RORA: variants seen among roughly 807,000 people sequenced by gnomAD.
The protein encoded by RORA is RAR related orphan receptor A, also known as nuclear receptor ROR-alpha.
RORA carries 7 observed loss-of-function variants against 69.5 expected under a neutral mutation model. The ratio of observed to expected loss-of-function variants is 0.10; its 90% CI spans 0.06 to 0.19. The LOEUF (loss-of-function observed/expected upper bound fraction) is 0.19, where lower values mean the gene tolerates loss of function less well. RORA is among the 10% of genes least tolerant of loss of function. The pLI is 1.00. For missense variants in RORA, 457 were observed against 663.0 expected, an observed-to-expected ratio of 0.69 and a Z score of 3.41; for synonymous variants, 261 against 240.8, an observed-to-expected ratio of 1.08 and a Z score of -0.78.
intron 1 of RORA, among the ~76,000 whole-genome samples, chr15:60,854,636 A>C (rs1390829344): frequency 6.6e-6 from 1 of 152,224 alleles, no homozygotes; most frequent in African/African-American, 2.4e-5. Context: ...GTAGCACTTC[A>C]GCTAAGCTTC....
At chr15:60,595,054 A>C (rs1176520417) in intron 2 of RORA, among the ~76,000 whole-genome samples, 1 of 152,052 alleles carries the variant, frequency 6.6e-6, no homozygotes, top group African/African-American at 2.4e-5. Context: ...TAACCACTCA[A>C]AATGCACATT....
chr15:61,055,030 T>A (rs936580866), intron 1 of RORA, among the ~76,000 whole-genome samples: 1 of 152,016 alleles, frequency 6.6e-6, no homozygotes, highest in African/African-American at 2.4e-5. Flanking sequence ...AGAGACAGGG[T>A]TTCACTATGT....
At chr15:61,099,603 C>T (rs978834147) in intron 1 of RORA, among the ~76,000 whole-genome samples, 1 of 152,162 alleles carries the variant, frequency 6.6e-6, no homozygotes, top group Non-Finnish European at 1.5e-5. Context: ...ACTTCAAAAC[C>T]AACACACGCA....
intron 1 of RORA, among the ~76,000 whole-genome samples, chr15:61,214,677 C>A (rs1400273335): frequency 2.6e-5 from 4 of 151,998 alleles, no homozygotes; most frequent in South Asian, 2.1e-4. Flanking sequence ...AGAGAGGGGG[C>A]CTTGGAGGCA....
intron 2 of RORA, among the ~76,000 whole-genome samples, chr15:60,664,844 G>T (rs2070357584): frequency 6.6e-6 from 1 of 152,160 alleles, no homozygotes. Flanking sequence ...TCAAGCAATT[G>T]ATACTGCAGG....
chr15:60,705,849 C>G (rs1264013853), intron 1 of RORA, among the ~76,000 whole-genome samples: 1 of 152,144 alleles, frequency 6.6e-6, no homozygotes, highest in Non-Finnish European at 1.5e-5. Flanking sequence ...AGTATCATCT[C>G]TCTTAGAAAT....
At chr15:60,578,766 T>C (rs1331704835) in intron 2 of RORA, among the ~76,000 whole-genome samples, 1 of 127,486 alleles carries the variant, frequency 7.8e-6, no homozygotes, top group Non-Finnish European at 1.7e-5. Context: ...TAAATGAAAC[T>C]TTTTTTTTTT....
At chr15:60,522,796 G>A (rs2066214119) in intron 3 of RORA, among the ~76,000 whole-genome samples, 1 of 149,240 alleles carries the variant, frequency 6.7e-6, no homozygotes, top group South Asian at 2.1e-4. Context: ...AAAAGACCAG[G>A]TGTGGTGGCT....
intron 1 of RORA, among the ~76,000 whole-genome samples, chr15:61,104,603 C>G (rs908886045): frequency 1.3e-5 from 2 of 152,144 alleles, no homozygotes; most frequent in Non-Finnish European, 2.9e-5. Flanking sequence ...TTAGCTTTTG[C>G]CTACTTCTCC....
chr15:61,206,464 A>C (rs566000474), intron 1 of RORA, among the ~76,000 whole-genome samples: 1 of 152,320 alleles, frequency 6.6e-6, no homozygotes, highest in African/African-American at 2.4e-5. Flanking sequence ...ACCCCACGAC[A>C]TCCCTGTTCT....
chr15:61,005,996 G>T (rs929342273), intron 1 of RORA, among the ~76,000 whole-genome samples: 1 of 151,990 alleles, frequency 6.6e-6, no homozygotes, highest in Non-Finnish European at 1.5e-5. Context: ...TTGAGAAGGA[G>T]TCTCGCTCTG....
At chr15:61,108,625 C>G (rs1460998015) in intron 1 of RORA, among the ~76,000 whole-genome samples, 1 of 152,188 alleles carries the variant, frequency 6.6e-6, no homozygotes, top group Non-Finnish European at 1.5e-5. Flanking sequence ...ACCTTTGCTA[C>G]TACTAAACCA....
At chr15:60,982,933 T>C (rs1894090161) in intron 1 of RORA, among the ~76,000 whole-genome samples, 1 of 152,194 alleles carries the variant, frequency 6.6e-6, no homozygotes, top group Non-Finnish European at 1.5e-5. Context: ...TTTTGTATTT[T>C]CATAAAGGCG....
chr15:60,830,820 A>C (rs80198593), intron 1 of RORA, among the ~76,000 whole-genome samples: 1 of 152,368 alleles, frequency 6.6e-6, no homozygotes, highest in East Asian at 1.9e-4. Context: ...GCAAGTGTCT[A>C]GTTGATTCAC....
At position 61,092,732 on chromosome 15, in the gene RORA, T is replaced by C. The variant is rs560678310; in HGVS notation, c.166+136321A>G. ...AATAAAAGCACATTTTATGAGGAAATTAAAATGTTATGAACTGCCCTGGGT... is the reference window on the plus strand; with the variant it reads ...AATAAAAGCACATTTTATGAGGAAACTAAAATGTTATGAACTGCCCTGGGT... On this transcript the variant is annotated intron_variant, in intron 1 of 10. Transcript: ENST00000335670. Among the ~76,000 whole-genome samples the C allele has an allele frequency of 7.2e-5, 11 of 152,332 alleles. No homozygotes were observed. In the East Asian group the frequency reaches 1.4e-3, roughly 19 times the overall value.
rs71125907 is a variant in RORA at position 61,189,856 on chromosome 15, CAAAAAAAAAAAA to C, written c.166+39185_166+39196del. On this transcript the variant is annotated intron_variant, in intron 1 of 10. Coordinates refer to ENST00000335670, the MANE Select transcript of RORA (RefSeq NM_134261.3). The stretch of plus-strand genomic sequence containing the variant: ...TGGGTGACAGAGCGAGACTCTGTCT[CAAAAAAAAAAAA>C]AAAAAAAAAAAAAACCACAGATATC... Among the ~76,000 whole-genome samples, 35 of 42,890 alleles carry C rather than the reference CAAAAAAAAAAAA, an allele frequency of 8.2e-4. 1 individual carries two copies. Among genetic ancestry groups the C allele is most frequent in the Non-Finnish European group, 9.5e-4 (26 of 27,246 alleles). 28.1% of individuals were successfully genotyped at this position (42,890 alleles called of 152,430 possible). A position where few individuals can be genotyped will look rare whatever the true frequency, so the allele number is the denominator to read the frequency against.
intron 1 of RORA, among the ~76,000 whole-genome samples, chr15:60,745,693 G>T (rs1301250221): frequency 6.6e-6 from 1 of 152,210 alleles, no homozygotes; most frequent in Non-Finnish European, 1.5e-5. Context: ...GATTCCAGCT[G>T]CTGAGCCATG....
In RORA at chr15:60,687,649, G is replaced by A. The variant is rs559326293; in HGVS notation, c.167-8963C>T. 3.9e-4 allele frequency among the ~76,000 whole-genome samples: 59 copies of A among 152,328 alleles called. No homozygotes were observed. In the Middle Eastern group the frequency reaches 0.01, roughly 26 times the overall value. On this transcript the variant is annotated intron_variant, in intron 1 of 10. Transcript: ENST00000335670. The stretch of plus-strand genomic sequence containing the variant: ...CATGCCTGAAGTCCCAGCTGCTCAG[G>A]AGGCTGAGGCACAAGAATCACTTGA...
chr15:60,705,149 G>A (rs1188179730), intron 1 of RORA, among the ~76,000 whole-genome samples: 1 of 150,420 alleles, frequency 6.6e-6, no homozygotes. Context: ...GAAAGAAAAA[G>A]TGAGCAGTTC....
Sources: allele counts gnomAD v4.1 joint callset (sites outside exome capture counted in the v4.1 genomes callset), GRCh38; gene constraint gnomAD v4.1.1; transcripts MANE v1.5; gene names NCBI Gene and HGNC (gene_info 2026-07-23, HGNC 2026-07-21).